Variants in NLRP13 observed in about 807,000 individuals in gnomAD.
NLRP13 encodes the protein NACHT, LRR and PYD domains-containing protein 13.
In NLRP13, 82 loss-of-function variants were observed where a neutral mutation model predicts 94.4. The ratio of observed to expected loss-of-function variants is 0.87; its 90% CI spans 0.73 to 1.04. NLRP13 has a LOEUF of 1.04. Ranked by LOEUF, NLRP13 falls within the 50% of genes least tolerant of loss-of-function variation. The pLI, the probability that NLRP13 is intolerant of heterozygous loss-of-function variation, is 0.00. For missense variants in NLRP13, 1,426 were observed against 1,230.8 expected, an observed-to-expected ratio of 1.16 and a Z score of -2.37; for synonymous variants, 553 against 464.7, an observed-to-expected ratio of 1.19 and a Z score of -2.45.
At chr19:55,921,870 C>G (rs2123139183) in intron 4 of NLRP13, among the ~76,000 whole-genome samples, 1 of 152,352 alleles carries the variant, frequency 6.6e-6, no homozygotes, top group East Asian at 1.9e-4. Context: ...CAGAACAGAT[C>G]TTCCCCAGAG....
intron 4 of NLRP13, among the ~76,000 whole-genome samples, chr19:55,917,844 T>C (rs189171446): frequency 2.2e-4 from 34 of 152,130 alleles, no homozygotes; most frequent in African/African-American, 7.9e-4. Flanking sequence ...CTGACAGCAC[T>C]AGACAGATCA....
At position 55,896,095 on chromosome 19, in the gene NLRP13, A is replaced by G. The variant is rs1313534226; in HGVS notation, c.2982T>C (p.Thr994=). ...TLGLAKCNLT[T]ACCQHLFSVL... is the part of the protein sequence containing the mutation. The stretch of plus-strand genomic sequence containing the variant: ...CAGAGAAGAGATGCTGGCAGCAAGC[A>G]GTTGTCAGATTGCATTTCGCCAACC... Residue 994 remains threonine, a synonymous_variant, in exon 11 of 11, where the codon ACT becomes ACC. Coordinates refer to ENST00000342929, the MANE Select transcript of NLRP13 (RefSeq NM_176810.2). The G allele has an allele frequency of 6.2e-7, 1 of 1,614,154 alleles. No individual in the cohort carries two copies. Among genetic ancestry groups the G allele is most frequent in the Non-Finnish European group, 8.5e-7 (1 of 1,180,004 alleles).
At chr19:55,910,240 G>A (rs1986465202) in intron 6 of NLRP13, among the ~76,000 whole-genome samples, 1 of 152,160 alleles carries the variant, frequency 6.6e-6, no homozygotes, top group Non-Finnish European at 1.5e-5. Context: ...CGTGTCTGTA[G>A]CTCTTCTTGA....
intron 1 of NLRP13, among the ~76,000 whole-genome samples, chr19:55,927,702 G>A (rs1400488079): frequency 6.6e-6 from 1 of 152,158 alleles, no homozygotes. Context: ...CAACTAACAT[G>A]CAAGTTCCTA....
At chr19:55,896,480 C>T (rs780947274) in intron 10 of NLRP13, among the ~76,000 whole-genome samples, 26 of 147,870 alleles carry the variant, frequency 1.8e-4, no homozygotes, top group Non-Finnish European at 3.7e-4. Flanking sequence ...CGAGATCACA[C>T]CACTGCACTC....
intron 10 of NLRP13, 72 bp from the exon 11 acceptor site, chr19:55,896,191 T>C: frequency 6.6e-7 from 1 of 1,522,008 alleles, no homozygotes; most frequent in Non-Finnish European, 9.0e-7. Flanking sequence ...AGATACCACA[T>C]CTGCAGGAAA....
intron 9 of NLRP13, 127 bp from the exon 10 acceptor site, chr19:55,899,064 C>T (rs527987564): frequency 9.9e-6 from 10 of 1,008,852 alleles, no homozygotes; most frequent in South Asian, 8.7e-5. Context: ...TCCCAAGCCT[C>T]GAAGGAGGAG....
chr19:55,929,744 G>A (rs990112872), intron 1 of NLRP13, among the ~76,000 whole-genome samples: 1 of 152,034 alleles, frequency 6.6e-6, no homozygotes, highest in Non-Finnish European at 1.5e-5. Flanking sequence ...TGCACGTTGT[G>A]CACATGTACC....
intron 1 of NLRP13, among the ~76,000 whole-genome samples, chr19:55,926,513 G>C (rs529076547): frequency 1.3e-5 from 2 of 152,258 alleles, no homozygotes; most frequent in South Asian, 4.2e-4. Context: ...TGCCAGAGGA[G>C]CATGTTTTAG....
At chr19:55,931,718 A>AGAAAGACAGAAAGAAAGAAAGAAAG in intron 1 of NLRP13, among the ~76,000 whole-genome samples, 1 of 96,030 alleles carries the variant, frequency 1.0e-5, no homozygotes, top group African/African-American at 4.2e-5. Flanking sequence ...TCAAAAAAAA[A>AGAAAGACAGAAAGAAAGAAAGAAAG]AAAAAAAGAA....
intron 5 of NLRP13, 86 bp from the exon 6 acceptor site, chr19:55,910,819 A>C: frequency 9.0e-7 from 1 of 1,112,410 alleles, no homozygotes; most frequent in Non-Finnish European, 1.3e-6. Flanking sequence ...ACAGAAAGAA[A>C]CCCTAACAAA....
At chr19:55,931,722 A>AGAAAGAAAGAAAGAAAGAAAGACAG (rs1468023647) in intron 1 of NLRP13, among the ~76,000 whole-genome samples, 1 of 107,328 alleles carries the variant, frequency 9.3e-6, no homozygotes, top group African/African-American at 3.6e-5. Context: ...AAAAAAAAAA[A>AGAAAGAAAGAAAGAAAGAAAGACAG]AAAGAAAGAA....
In NLRP13 at chr19:55,898,897, G is replaced by A. The variant is rs779079377; in HGVS notation, c.2830C>T (p.Leu944=). 33 of 1,612,122 alleles carry A rather than the reference G, an allele frequency of 2.0e-5. 1 individual carries two copies. The South Asian group carries it at 3.2e-4, about 16-fold the overall frequency. Residue 944 remains leucine, a synonymous_variant, in exon 10 of 11, where the codon CTG becomes TTG. Transcript: ENST00000342929. ...CSFTREGCGE[L]ANALSHNHNV... ...TGATTATGGCTGAGGGCATTAGCCA[G>A]CTCTCCACAGCCCTCTCTTGTGAAA...
At chr19:55,914,124 C>G (rs547207382) in intron 4 of NLRP13, among the ~76,000 whole-genome samples, 1 of 152,328 alleles carries the variant, frequency 6.6e-6, no homozygotes, top group East Asian at 1.9e-4. Context: ...AAGGCTTTGT[C>G]TCTCCCATTC....
chr19:55,915,903 T>A (rs1298930695), intron 4 of NLRP13, among the ~76,000 whole-genome samples: 1 of 152,182 alleles, frequency 6.6e-6, no homozygotes, highest in Non-Finnish European at 1.5e-5. Context: ...CTGCAACTGC[T>A]GCAGCTGGCT....
In NLRP13 at chr19:55,932,139, G is replaced by C; in HGVS notation, c.173C>G (p.Ala58Gly). 1 of 1,614,172 alleles carries C rather than the reference G, an allele frequency of 6.2e-7. No homozygotes were observed. Residue 58 changes from alanine to glycine, a missense_variant, in exon 1 of 11, where the codon GCA becomes GGA. Physicochemically the swap from Ala to Gly is moderately conservative, Grantham distance 60 (BLOSUM62 0). Transcript: ENST00000342929. The stretch of plus-strand genomic sequence containing the variant: ...CAAAGGGTCGGCAGCTCTCAAGTTT[G>C]CCCAGGGGATACGCGGGAAGTGCCC... The part of the protein sequence containing the change: ...PQGHFPRIPW[A>G]NLRAADPLNL...
At chr19:55,908,486 G>C (rs188734013) in intron 6 of NLRP13, among the ~76,000 whole-genome samples, 65 of 152,280 alleles carry the variant, frequency 4.3e-4, no homozygotes, top group Non-Finnish European at 6.2e-4. Flanking sequence ...GTTCATTGCA[G>C]CACTATTCAC....
chr19:55,930,897 T>TATATATATATATATATATAA (rs1987107112), intron 1 of NLRP13, among the ~76,000 whole-genome samples: 1 of 94,914 alleles, frequency 1.1e-5, no homozygotes, highest in South Asian at 3.5e-4. Context: ...TATATATATA[T>TATATATATATATATATATAA]AAAATTTTAA....
At chr19:55,907,040 A>G (rs1377387862) in intron 7 of NLRP13, among the ~76,000 whole-genome samples, 1 of 151,794 alleles carries the variant, frequency 6.6e-6, no homozygotes, top group Non-Finnish European at 1.5e-5. Flanking sequence ...GCTCACTGCA[A>G]CCTCCGCTCC....
Sources: allele counts gnomAD v4.1 joint callset (sites outside exome capture counted in the v4.1 genomes callset), GRCh38; gene constraint gnomAD v4.1.1; transcripts MANE v1.5; gene names NCBI Gene and HGNC (gene_info 2026-07-23, HGNC 2026-07-21).